Variants in CACNB3 observed in about 807,000 individuals in gnomAD.
CACNB3 encodes calcium voltage-gated channel auxiliary subunit beta 3.
Under a neutral mutation model 63.7 loss-of-function variants are expected in CACNB3, and 36 were observed. The observed-to-expected ratio is 0.57, with a 90% confidence interval of 0.43 to 0.75. The LOEUF is 0.75. CACNB3 is among the 30% of genes least tolerant of loss of function. The probability of loss-of-function intolerance (pLI) is 0.00; values close to 1 mark genes in which losing one functional copy is unlikely to be tolerated. For missense variants in CACNB3, 493 were observed against 648.6 expected (o/e 0.76, Z 2.61); for synonymous variants, 241 against 250.6 (o/e 0.96, Z 0.36).
intron 5 of CACNB3, 88 bp downstream of exon 5, chr12:48,824,821 G>A (rs1565668267): frequency 1.3e-6 from 2 of 1,541,990 alleles, no homozygotes; most frequent in Non-Finnish European, 1.8e-6. Flanking sequence ...AACTGTGTGG[G>A]AAGGGTTTGT....
chr12:48,818,597 T>C lies in CACNB3; in HGVS notation c.-333T>C, dbSNP rs1937648122. On this transcript the variant is annotated 5_prime_UTR_variant, in exon 1 of 13. Coordinates refer to ENST00000301050, the MANE Select transcript of CACNB3 (RefSeq NM_000725.4). This position sits in a 1 kb window ranked among gnomAD's most constrained non-coding sequence, Gnocchi z 4.3. Reference sequence around the variant, plus strand: ...TCCCGGCCTGGCCCGGGCTCCCCGGTGGCCGCCGCCCCCTCGCCGCCCCCG... The same window carrying C: ...TCCCGGCCTGGCCCGGGCTCCCCGGCGGCCGCCGCCCCCTCGCCGCCCCCG... The C allele has an allele frequency of 6.5e-6, 7 of 1,084,462 alleles. No individual in the cohort carries two copies. In the South Asian group the frequency reaches 2.4e-4, roughly 37 times the overall value. The allele number at this position is 1,084,462 out of a possible 1,614,324, so 67.2% of individuals were successfully genotyped here.
chr12:48,826,760 T>C lies in CACNB3; in HGVS notation c.896T>C (p.Val299Ala), dbSNP rs770675098. 6.8e-6 allele frequency: 11 copies of C among 1,613,274 alleles called. No homozygotes were observed. The Admixed American group carries it at 1.8e-4, about 27-fold the overall frequency. The change falls in exon 11 of 13, where the codon GTA becomes GCA. Residue 299 changes from valine (V) to alanine (A), a missense_variant and splice_region_variant. Val to Ala is a moderately conservative substitution (Grantham distance 64, BLOSUM62 0). Transcript: ENST00000301050. This position sits in a 1 kb window ranked among gnomAD's most constrained non-coding sequence, Gnocchi z 4.8. The stretch of plus-strand genomic sequence containing the variant: ...CCTAGCTCTGCCCTCCCCGCTCAGG[T>C]ACTCCAGCGTCTCATTCGCTCCCGG... ...IVFVKVSSPK[V>A]LQRLIRSRGK...
At position 48,825,423 on chromosome 12, in the gene CACNB3, C is replaced by G. The variant is rs1443406777; in HGVS notation, c.574-11C>G. ...AAAGGGGCCCTTCATCAGTGCCATG[C>G]CTTCCCCCAGGTCACAGACATGATG... On this transcript the variant is annotated splice_polypyrimidine_tract_variant and intron_variant, in intron 7 of 12. Transcript: ENST00000301050. The surrounding 1 kb of genome is among the most constrained non-coding windows in gnomAD (Gnocchi z 4.5). 2 of 1,613,950 alleles carry G rather than the reference C, an allele frequency of 1.2e-6. No individual in the cohort carries two copies. Among genetic ancestry groups the G allele is most frequent in the African/African-American group, 2.7e-5 (2 of 74,904 alleles).
chr12:48,823,732 C>G lies in CACNB3; in HGVS notation c.220C>G (p.Leu74Val), dbSNP rs756112767. Residue 74 changes from leucine (L) to valine (V), a missense_variant, in exon 3 of 13, where the codon CTG becomes GTG. Physicochemically the swap from Leu to Val is conservative, Grantham distance 32 (BLOSUM62 1). Coordinates refer to ENST00000301050, the MANE Select transcript of CACNB3 (RefSeq NM_000725.4). This position sits in a 1 kb window ranked among gnomAD's most constrained non-coding sequence, Gnocchi z 4.2. ...GACCAATGTCAGCTACTGTGGCGTA[C>G]TGGATGAGGAGTGCCCAGTCCAGGG... ...VRTNVSYCGV[L>V]DEECPVQGSG... The G allele has an allele frequency of 1.9e-6, 3 of 1,614,166 alleles. No individual in the cohort carries two copies. Among genetic ancestry groups the G allele is most frequent in the Non-Finnish European group, 2.5e-6 (3 of 1,180,022 alleles).
chr12:48,823,618 C>A lies in CACNB3; in HGVS notation c.169-63C>A. On this transcript the variant is annotated intron_variant, in intron 2 of 12. Coordinates refer to ENST00000301050, the MANE Select transcript of CACNB3 (RefSeq NM_000725.4). This position sits in a 1 kb window ranked among gnomAD's most constrained non-coding sequence, Gnocchi z 4.2. ...AGGCCACGGCCTTCTGCTGTTGGGG[C>A]ACTGAAGCTGGAAGGGGTGCTTCGA... 4 of 1,612,096 alleles carry A rather than the reference C, an allele frequency of 2.5e-6. No individual in the cohort carries two copies. Among genetic ancestry groups the A allele is most frequent in the Non-Finnish European group, 3.4e-6 (4 of 1,178,782 alleles).
At position 48,825,528 on chromosome 12, in the gene CACNB3, A is replaced by G. The variant is rs765187458; in HGVS notation, c.632+36A>G. 2.5e-6 allele frequency: 4 copies of G among 1,611,736 alleles called. No individual in the cohort carries two copies. The highest frequency in any genetic ancestry group is 1.7e-5 in the Admixed American group (1 of 60,006). ...CTGGCCTGAGGTGGCCTGAGAACCA[A>G]GGAGAAGCTCATGGCCTACTTCCAG... On this transcript the variant is annotated intron_variant, in intron 8 of 12. Coordinates refer to ENST00000301050, the MANE Select transcript of CACNB3 (RefSeq NM_000725.4). This position sits in a 1 kb window ranked among gnomAD's most constrained non-coding sequence, Gnocchi z 4.5.
intron 3 of CACNB3, 39 bp from the exon 4 acceptor site, chr12:48,824,219 G>T (rs367878439): frequency 6.6e-7 from 1 of 1,526,022 alleles, no homozygotes; most frequent in African/African-American, 1.4e-5. Context: ...GGGGCGGGGC[G>T]CTTCTCTCAC....
Position 48,824,948 on chromosome 12 carries a change from G to A in CACNB3, c.473-1G>A. 2.5e-6 allele frequency: 4 copies of A among 1,613,436 alleles called. No homozygotes were observed. Among genetic ancestry groups the A allele is most frequent in the Non-Finnish European group, 3.4e-6 (4 of 1,179,906 alleles). On this transcript the variant is annotated splice_acceptor_variant, in intron 5 of 12. Transcript: ENST00000301050. LOFTEE classifies it high-confidence loss of function. ...AATCTTGTATTTCCTTTTCCAAAAAGCCAAGCAGAAGCAAAAGCAGGTGAG... is the reference window on the plus strand; with the variant it reads ...AATCTTGTATTTCCTTTTCCAAAAAACCAAGCAGAAGCAAAAGCAGGTGAG...
intron 3 of CACNB3, 39 bp from the exon 4 acceptor site, chr12:48,824,219 G>C: frequency 1.9e-5 from 29 of 1,526,142 alleles, no homozygotes; most frequent in Non-Finnish European, 2.6e-5. Flanking sequence ...GGGGCGGGGC[G>C]CTTCTCTCAC....
In CACNB3 at chr12:48,826,402, C is replaced by G. The variant is rs746353727; in HGVS notation, c.778C>G (p.Leu260Val). Residue 260 changes from leucine (L) to valine (V), a missense_variant, in exon 10 of 13, where the codon CTG becomes GTG. Physicochemically the swap from Leu to Val is conservative, Grantham distance 32. Coordinates refer to ENST00000301050, the MANE Select transcript of CACNB3 (RefSeq NM_000725.4). This position sits in a 1 kb window ranked among gnomAD's most constrained non-coding sequence, Gnocchi z 4.8. ...VQSEIERIFE[L>V]AKSLQLVVLD... Reference sequence around the variant, plus strand: ...GAGTGAGATCGAGCGCATATTTGAGCTGGCCAAATCCCTGCAGCTAGTAGT... The same window carrying G: ...GAGTGAGATCGAGCGCATATTTGAGGTGGCCAAATCCCTGCAGCTAGTAGT... 1.9e-6 allele frequency: 3 copies of G among 1,614,174 alleles called. 1 individual carries two copies. In the South Asian group the frequency reaches 3.3e-5, roughly 18 times the overall value.
At chr12:48,814,495 C>A, upstream of CACNB3, 1 of 1,530,534 alleles carries the variant, frequency 6.5e-7, no homozygotes, top group African/African-American at 1.4e-5. The surrounding 1 kb of genome is among the most constrained non-coding windows in gnomAD (Gnocchi z 6.9). Context: ...CCCTGCTGCC[C>A]AGTCCCGGCC....
In CACNB3 at chr12:48,826,283, C is replaced by T. The variant is rs1384979469; in HGVS notation, c.743-84C>T. 1 of 1,389,724 alleles carries T rather than the reference C, an allele frequency of 7.2e-7. No individual in the cohort carries two copies. Among genetic ancestry groups the T allele is most frequent in the Non-Finnish European group, 1.0e-6 (1 of 986,358 alleles). The allele number at this position is 1,389,724 out of a possible 1,614,324, so 86.1% of individuals were successfully genotyped here. A position where few individuals can be genotyped will look rare whatever the true frequency, so the allele number is the denominator to read the frequency against. On this transcript the variant is annotated intron_variant, in intron 9 of 12. Coordinates refer to ENST00000301050, the MANE Select transcript of CACNB3 (RefSeq NM_000725.4). This position sits in a 1 kb window ranked among gnomAD's most constrained non-coding sequence, Gnocchi z 4.8. ...CCCTTTTCCTCCAATTCCTTCCTGTCCACCATTCGGGAGCCCTCAAAGCCT... is the reference window on the plus strand; with the variant it reads ...CCCTTTTCCTCCAATTCCTTCCTGTTCACCATTCGGGAGCCCTCAAAGCCT...
chr12:48,824,859 C>T (rs1938045357), intron 5 of CACNB3, 90 bp from the exon 6 acceptor site: 8 of 1,538,952 alleles, frequency 5.2e-6, no homozygotes, highest in Non-Finnish European at 7.2e-6. Context: ...TGGGGAGAAG[C>T]CAGTATCTCC....
chr12:48,828,126 T>C lies in CACNB3; in HGVS notation c.*227T>C, dbSNP rs1938249952. 2 of 584,268 alleles carry C rather than the reference T, an allele frequency of 3.4e-6. No individual in the cohort carries two copies. The highest frequency in any genetic ancestry group is 5.7e-5 in the East Asian group (2 of 34,954). The allele number at this position is 584,268 out of a possible 1,614,324, so 36.2% of individuals were successfully genotyped here. The stretch of plus-strand genomic sequence containing the variant: ...CCTACTAGGCTCCCATTCCAGGTAC[T>C]AGCTGTGTGTTCTGCACCCCTGGCA... On this transcript the variant is annotated 3_prime_UTR_variant, in exon 13 of 13. Coordinates refer to ENST00000301050, the MANE Select transcript of CACNB3 (RefSeq NM_000725.4).
chr12:48,815,932 T>G (rs189234303), upstream of CACNB3, among the ~76,000 whole-genome samples: 3 of 152,060 alleles, frequency 2.0e-5, no homozygotes, highest in African/African-American at 4.8e-5. Context: ...AGCTTCCTAG[T>G]ACTGGGATTG....
chr12:48,822,914 G>C (rs1281008341), intron 1 of CACNB3, among the ~76,000 whole-genome samples: 1 of 152,178 alleles, frequency 6.6e-6, no homozygotes, highest in Non-Finnish European at 1.5e-5. Flanking sequence ...CTCCTGACAG[G>C]CATCTTAAAG....
chr12:48,825,685 G>A lies in CACNB3; in HGVS notation c.658G>A (p.Asp220Asn), dbSNP rs924688203. Residue 220 changes from aspartate (D) to asparagine (N), a missense_variant, in exon 9 of 13, where the codon GAC (aspartate) becomes AAC (asparagine). By Grantham distance (23) the Asp-to-Asn change is conservative. Coordinates refer to ENST00000301050, the MANE Select transcript of CACNB3 (RefSeq NM_000725.4). This position sits in a 1 kb window ranked among gnomAD's most constrained non-coding sequence, Gnocchi z 4.5. ...GRISITRVTA[D>N]LSLAKRSVLN... ...GATCTCCATCACCCGAGTCACAGCC[G>A]ACCTCTCCCTGGCAAAGCGATCTGT... 1.4e-5 allele frequency: 22 copies of A among 1,614,094 alleles called. No individual in the cohort carries two copies. Among genetic ancestry groups the A allele is most frequent in the Non-Finnish European group, 1.7e-5 (20 of 1,180,000 alleles).
At position 48,827,998 on chromosome 12, in the gene CACNB3, G is replaced by T. The variant is rs1938245150; in HGVS notation, c.*99G>T. The T allele has an allele frequency of 9.5e-7, 1 of 1,052,060 alleles. No individual in the cohort carries two copies. Among genetic ancestry groups the T allele is most frequent in the Non-Finnish European group, 1.4e-6 (1 of 715,474 alleles). The allele number at this position is 1,052,060 out of a possible 1,614,324, so 65.2% of individuals were successfully genotyped here. On this transcript the variant is annotated 3_prime_UTR_variant, in exon 13 of 13. Coordinates refer to ENST00000301050, the MANE Select transcript of CACNB3 (RefSeq NM_000725.4). ...TAGACTGGCATCAGGCTGGCACTAG[G>T]CTCAGCCCCCAAAACCCCCTGCCCA...
upstream of CACNB3, chr12:48,815,758 G>GT: frequency 1.2e-6 from 1 of 842,734 alleles, no homozygotes; most frequent in Non-Finnish European, 1.8e-6. Flanking sequence ...GGGGTCGTGG[G>GT]AAGGGGGTTC....
Sources: allele counts gnomAD v4.1 joint callset (sites outside exome capture counted in the v4.1 genomes callset), GRCh38; gene constraint gnomAD v4.1.1; non-coding constraint Gnocchi (gnomAD v3.1); transcripts MANE v1.5; gene names NCBI Gene and HGNC (gene_info 2026-07-23, HGNC 2026-07-21).